KAT2B: variants seen among roughly 807,000 people sequenced by gnomAD.
KAT2B encodes the protein lysine acetyltransferase 2B.
In KAT2B, 36 loss-of-function variants were observed where a neutral mutation model predicts 105.9. That is an observed-to-expected ratio of 0.34 (90% confidence interval 0.26 to 0.45). The LOEUF is 0.45. Among genes scored for constraint, KAT2B ranks in the 20% least tolerant of loss-of-function variants. The pLI is 1.00. For synonymous variants in KAT2B, 397 were observed against 377.9 expected, an observed-to-expected ratio of 1.05 and a Z score of -0.59; for missense variants, 820 against 1,021.6, an observed-to-expected ratio of 0.80 and a Z score of 2.69.
intron 11 of KAT2B, among the ~76,000 whole-genome samples, chr3:20,129,321 A>G (rs543526504): frequency 2.2e-3 from 337 of 152,038 alleles, no homozygotes; most frequent in Non-Finnish European, 3.9e-3. Flanking sequence ...CAGGCATTCA[A>G]TGTCACGAAG....
intron 8 of KAT2B, among the ~76,000 whole-genome samples, chr3:20,122,179 G>C (rs74983402): frequency 6.6e-6 from 1 of 152,254 alleles, no homozygotes; most frequent in Admixed American, 6.5e-5. Flanking sequence ...TGATCTGTAA[G>C]CTGAAGCTAA....
At chr3:20,143,574 C>T (rs147396149) in intron 13 of KAT2B, among the ~76,000 whole-genome samples, 49 of 152,242 alleles carry the variant, frequency 3.2e-4, no homozygotes, top group Middle Eastern at 6.8e-3. Flanking sequence ...CAAAAAGATA[C>T]ATGTGCTTTT....
At chr3:20,148,736 G>A (rs1699819695) in intron 17 of KAT2B, 2 of 389,446 alleles carry the variant, frequency 5.1e-6, no homozygotes, top group African/African-American at 2.1e-5. Flanking sequence ...GAAAATCCAC[G>A]GTAACTGCAG....
rs767572232 is a variant in KAT2B at position 20,119,582 on chromosome 3, C to T, written c.1151-16C>T. On this transcript the variant is annotated splice_polypyrimidine_tract_variant and intron_variant, in intron 7 of 17. Transcript: ENST00000263754. ...AGTCAGTCATCTAACACCTTCTTCT[C>T]CTTTTGCCGGGGCAGTTATCAATCC... 1.8e-5 allele frequency: 29 copies of T among 1,613,654 alleles called. No individual in the cohort carries two copies. In the South Asian group the frequency reaches 3.1e-4, roughly 17 times the overall value.
At chr3:20,056,269 A>G (rs1390821318) in intron 1 of KAT2B, among the ~76,000 whole-genome samples, 1 of 152,162 alleles carries the variant, frequency 6.6e-6, no homozygotes, top group African/African-American at 2.4e-5. Flanking sequence ...ACAGGACTTA[A>G]TTTGTTACAA....
At chr3:20,121,915 T>C (rs1699317648) in intron 8 of KAT2B, among the ~76,000 whole-genome samples, 1 of 151,988 alleles carries the variant, frequency 6.6e-6, no homozygotes, top group African/African-American at 2.4e-5. Context: ...TGATAGTAAG[T>C]TATTATGGTT....
At chr3:20,127,014 T>G (rs1401760331) in intron 10 of KAT2B, among the ~76,000 whole-genome samples, 1 of 152,194 alleles carries the variant, frequency 6.6e-6, no homozygotes, top group African/African-American at 2.4e-5. Flanking sequence ...AATTTTAAAT[T>G]CTTTTTCATA....
rs1699907377 is a variant in KAT2B at position 20,153,817 on chromosome 3, A to T, written c.*1292A>T. ...TGATTTTTGTAAAGGACAAAGTTTT[A>T]AAAGCGTATTTAACTTGATGTTTTC... is the stretch of plus-strand genomic sequence containing the variant. On this transcript the variant is annotated 3_prime_UTR_variant, in exon 18 of 18. Coordinates refer to ENST00000263754, the MANE Select transcript of KAT2B (RefSeq NM_003884.5). 6.6e-6 allele frequency: 1 copy of T among 152,614 alleles called. No individual in the cohort carries two copies. Among genetic ancestry groups the T allele is most frequent in the Admixed American group, 6.5e-5 (1 of 15,284 alleles). 9.5% of individuals were successfully genotyped at this position (152,614 alleles called of 1,614,324 possible).
chr3:20,068,955 C>G (rs1242005081), intron 1 of KAT2B, among the ~76,000 whole-genome samples: 2 of 152,096 alleles, frequency 1.3e-5, no homozygotes, highest in Non-Finnish European at 2.9e-5. Flanking sequence ...TATGCGGCAA[C>G]TAAGAGAGGT....
intron 17 of KAT2B, among the ~76,000 whole-genome samples, chr3:20,151,976 T>C (rs542366737): frequency 3.3e-5 from 5 of 152,268 alleles, no homozygotes; most frequent in African/African-American, 9.6e-5. Context: ...TCCATATAGA[T>C]AGAGCCTCTT....
chr3:20,098,764 T>C (rs896926892), intron 3 of KAT2B, among the ~76,000 whole-genome samples: 1 of 152,194 alleles, frequency 6.6e-6, no homozygotes, highest in African/African-American at 2.4e-5. Context: ...TTATTGCTAA[T>C]TTGCTTTTAT....
chr3:20,050,152 A>G (rs1697889580), intron 1 of KAT2B, among the ~76,000 whole-genome samples: 1 of 151,382 alleles, frequency 6.6e-6, no homozygotes, highest in Admixed American at 6.6e-5. Context: ...GTGAGCTGAG[A>G]TCATACCACT....
chr3:20,042,126 G>A (rs1344913223), intron 1 of KAT2B, among the ~76,000 whole-genome samples: 1 of 152,212 alleles, frequency 6.6e-6, no homozygotes, highest in Non-Finnish European at 1.5e-5. Flanking sequence ...CAGGTGGTCT[G>A]AGGTGGAAGC....
intron 14 of KAT2B, 124 bp from the exon 15 acceptor site, chr3:20,147,839 T>C (rs927625613): frequency 4.9e-6 from 4 of 818,360 alleles, no homozygotes; most frequent in African/African-American, 1.8e-5. Flanking sequence ...TTAATTTCAG[T>C]CGTCTCTCAG....
intron 1 of KAT2B, among the ~76,000 whole-genome samples, chr3:20,057,450 G>A (rs914866552): frequency 1.2e-4 from 18 of 152,118 alleles, no homozygotes; most frequent in Non-Finnish European, 5.9e-5. Context: ...GCTCATCCTG[G>A]TTGATTTGGT....
At chr3:20,100,245 T>C (rs1476519337) in intron 4 of KAT2B, among the ~76,000 whole-genome samples, 1 of 152,214 alleles carries the variant, frequency 6.6e-6, no homozygotes, top group Non-Finnish European at 1.5e-5. Context: ...TGAAATGTGC[T>C]TTTTCTTGTT....
rs753688266 is a variant in KAT2B, at chr3:20,111,622, A to G, written c.878A>G (p.Gln293Arg). Residue 293 changes from glutamine (Q) to arginine (R), a missense_variant, in exon 6 of 18, where the codon CAG (glutamine) becomes CGG (arginine). Coordinates refer to ENST00000263754, the MANE Select transcript of KAT2B (RefSeq NM_003884.5). The stretch of plus-strand genomic sequence containing the variant: ...TGGCTGTGTTACTGCAACGTGCCAC[A>G]GTTCTGCGACAGTCTACCTCGGTAC... ...TRWLCYCNVP[Q>R]FCDSLPRYET... 163 of 1,612,312 alleles carry G rather than the reference A, an allele frequency of 1.0e-4. No homozygotes were observed. The highest frequency in any genetic ancestry group is 1.3e-4 in the Non-Finnish European group (159 of 1,179,338).
At chr3:20,093,772 C>G (rs1398701540) in intron 2 of KAT2B, among the ~76,000 whole-genome samples, 1 of 152,200 alleles carries the variant, frequency 6.6e-6, no homozygotes, top group African/African-American at 2.4e-5. Flanking sequence ...ACACTTAGAG[C>G]TATACCTAAG....
chr3:20,058,214 T>C (rs1698033897), intron 1 of KAT2B, among the ~76,000 whole-genome samples: 1 of 152,018 alleles, frequency 6.6e-6, no homozygotes, highest in African/African-American at 2.4e-5. Flanking sequence ...TCTCAGCACT[T>C]TGGGAGGCCA....
Sources: gnomAD v4.1 joint callset for allele counts (sites outside exome capture counted in the v4.1 genomes callset) on GRCh38, gnomAD v4.1.1 for gene constraint, MANE v1.5 for transcripts, NCBI Gene and HGNC (gene_info 2026-07-23, HGNC 2026-07-21) for gene names.